The following USP32 variants were observed in gnomAD, a reference collection of about 807,000 sequenced individuals.
USP32 encodes the protein ubiquitin carboxyl-terminal hydrolase 32.
Under a neutral mutation model 204.8 loss-of-function variants are expected in USP32, and 59 were observed. The observed-to-expected ratio is 0.29, with a 90% CI of 0.23 to 0.36. USP32 has a LOEUF of 0.36. Among genes scored for constraint, USP32 ranks in the 10% least tolerant of loss-of-function variants. USP32 has a pLI of 1.00. For missense variants in USP32, 1,160 were observed against 1,946.4 expected, an observed-to-expected ratio of 0.60 and a Z score of 7.60; for synonymous variants, 517 against 678.4, an observed-to-expected ratio of 0.76 and a Z score of 3.70.
chr17:60,411,969 G>T (rs960518608), intron 1 of USP32, among the ~76,000 whole-genome samples: 3 of 151,552 alleles, frequency 2.0e-5, no homozygotes, highest in Admixed American at 6.6e-5. Context: ...ATCTGTTTGA[G>T]TCCCTGCATT....
At position 60,336,438 on chromosome 17, in the gene USP32, G is replaced by A. The variant is rs528378821; in HGVS notation, c.186+9043C>T. On this transcript the variant is annotated intron_variant, in intron 2 of 33. Coordinates refer to ENST00000300896, the MANE Select transcript of USP32 (RefSeq NM_032582.4). ...TCTTACAAAAAGAAATGAATTGGCC[G>A]GGCGCGGTGGCTCACGCCTGTAATC... Among the ~76,000 whole-genome samples, 25 of 142,988 alleles carry A rather than the reference G, an allele frequency of 1.7e-4. 1 individual carries two copies. The East Asian group carries it at 2.9e-3, about 17-fold the overall frequency. 93.8% of individuals were successfully genotyped at this position (142,988 alleles called of 152,430 possible). A position where few individuals can be genotyped will look rare whatever the true frequency, so the allele number is the denominator to read the frequency against.
chr17:60,384,910 C>G (rs970873322), intron 1 of USP32, among the ~76,000 whole-genome samples: 1 of 152,110 alleles, frequency 6.6e-6, no homozygotes, highest in Non-Finnish European at 1.5e-5. Flanking sequence ...GAGTTCAACA[C>G]CAGCCTGGAC....
chr17:60,264,872 AAAAAAAAAAAG>A (rs2086549758), intron 9 of USP32, among the ~76,000 whole-genome samples: 1 of 151,178 alleles, frequency 6.6e-6, no homozygotes, highest in Non-Finnish European at 1.5e-5. Context: ...AAAAAAAAAA[AAAAAAAAAAAG>A]AGAGAGAGAA....
At chr17:60,324,377 A>T (rs1490992007) in intron 2 of USP32, among the ~76,000 whole-genome samples, 1 of 151,840 alleles carries the variant, frequency 6.6e-6, no homozygotes, top group African/African-American at 2.4e-5. Flanking sequence ...AAATGCTACT[A>T]ACTTGATTCG....
intron 27 of USP32, among the ~76,000 whole-genome samples, chr17:60,194,103 C>T (rs745592664): frequency 3.3e-5 from 5 of 151,746 alleles, no homozygotes; most frequent in Non-Finnish European, 5.9e-5. Flanking sequence ...AGTGCAGTGG[C>T]GCAATTATGG....
At chr17:60,419,450 C>T (rs2090088126) in intron 1 of USP32, among the ~76,000 whole-genome samples, 1 of 152,034 alleles carries the variant, frequency 6.6e-6, no homozygotes. Context: ...ATAATCTGTG[C>T]AACAGGCTGG....
chr17:60,194,370 C>A (rs191437184), intron 27 of USP32, among the ~76,000 whole-genome samples: 18 of 152,292 alleles, frequency 1.2e-4, no homozygotes, highest in African/African-American at 3.8e-4. Flanking sequence ...CTCATACGTT[C>A]CAGAACCTGG....
intron 29 of USP32, among the ~76,000 whole-genome samples, chr17:60,186,339 T>C (rs2084250847): frequency 6.6e-6 from 1 of 152,192 alleles, no homozygotes; most frequent in South Asian, 2.1e-4. Context: ...CAGAGCATTA[T>C]TAGTATGCTG....
chr17:60,340,374 T>G (rs1436039956), intron 2 of USP32, among the ~76,000 whole-genome samples: 1 of 152,144 alleles, frequency 6.6e-6, no homozygotes, highest in Non-Finnish European at 1.5e-5. Flanking sequence ...GCTCAGGAGT[T>G]CAAAACCAGC....
intron 2 of USP32, among the ~76,000 whole-genome samples, chr17:60,338,438 A>C (rs1237726831): frequency 6.6e-6 from 1 of 152,286 alleles, no homozygotes; most frequent in Admixed American, 6.5e-5. Flanking sequence ...TAGACAATTC[A>C]GAGTTGGTGA....
chr17:60,181,847 C>G (rs190546080), intron 31 of USP32, 99 bp from the exon 32 acceptor site: 2 of 1,508,110 alleles, frequency 1.3e-6, no homozygotes, highest in East Asian at 4.5e-5. Context: ...ACTGTACACA[C>G]AAAGGTAAAG....
At chr17:60,368,650 CA>C (rs1452087402) in intron 1 of USP32, among the ~76,000 whole-genome samples, 1 of 152,036 alleles carries the variant, frequency 6.6e-6, no homozygotes, top group Non-Finnish European at 1.5e-5. Flanking sequence ...ATCTACCCAT[CA>C]AAAAATAGTA....
chr17:60,411,202 G>A (rs914729129), intron 1 of USP32, among the ~76,000 whole-genome samples: 1 of 152,004 alleles, frequency 6.6e-6, no homozygotes, highest in Non-Finnish European at 1.5e-5. Flanking sequence ...GTGCATGCCT[G>A]TAATCCCAGC....
chr17:60,228,258 C>T (rs966687251), intron 12 of USP32, among the ~76,000 whole-genome samples: 18 of 152,100 alleles, frequency 1.2e-4, no homozygotes, highest in Admixed American at 7.9e-4. Context: ...ACAAGTGATC[C>T]ACCTGCCTTG....
At position 60,392,090 on chromosome 17, in the gene USP32, G is replaced by T; in HGVS notation, c.-151C>A. On this transcript the variant is annotated 5_prime_UTR_variant, in exon 1 of 34. Transcript: ENST00000300896. ...ACTAACAAGTGCGGCTTCTGCCCCG[G>T]CGGCTCCTCCCGGTCGCCGCCACCG... 4 of 838,360 alleles carry T rather than the reference G, an allele frequency of 4.8e-6. No homozygotes were observed. Among genetic ancestry groups the T allele is most frequent in the Non-Finnish European group, 6.9e-6 (4 of 576,442 alleles). 51.9% of individuals were successfully genotyped at this position (838,360 alleles called of 1,614,324 possible).
intron 5 of USP32, among the ~76,000 whole-genome samples, chr17:60,287,899 G>A (rs902938209): frequency 6.6e-6 from 1 of 151,964 alleles, no homozygotes; most frequent in African/African-American, 2.4e-5. Flanking sequence ...GGATCACGAG[G>A]TCAGGAAATC....
intron 1 of USP32, among the ~76,000 whole-genome samples, chr17:60,346,567 A>G (rs76590379): frequency 6.6e-6 from 1 of 152,202 alleles, no homozygotes; most frequent in Non-Finnish European, 1.5e-5. Context: ...TATCAAAAAC[A>G]AAAAAATTAC....
chr17:60,362,949 A>G (rs1029860398), intron 1 of USP32, among the ~76,000 whole-genome samples: 15 of 152,204 alleles, frequency 9.9e-5, no homozygotes, highest in African/African-American at 3.6e-4. Flanking sequence ...ATTAAACAAA[A>G]TAAGATTAAT....
chr17:60,375,285 A>G (rs1035512690), intron 1 of USP32, among the ~76,000 whole-genome samples: 6 of 152,130 alleles, frequency 3.9e-5, no homozygotes, highest in Non-Finnish European at 8.8e-5. Context: ...ACACAGAACA[A>G]TCATAATCTT....
Sources: allele counts gnomAD v4.1 joint callset (sites outside exome capture counted in the v4.1 genomes callset), GRCh38; gene constraint gnomAD v4.1.1; transcripts MANE v1.5; gene names NCBI Gene and HGNC (gene_info 2026-07-23, HGNC 2026-07-21).